The following PTPRE variants were observed in gnomAD, a reference collection of about 807,000 sequenced individuals.
The protein encoded by PTPRE is protein tyrosine phosphatase receptor type E, also known as receptor-type tyrosine-protein phosphatase epsilon.
PTPRE carries 51 observed loss-of-function variants against 102.0 expected under a neutral mutation model. The ratio of observed to expected loss-of-function variants is 0.50; its 90% CI spans 0.40 to 0.63. The LOEUF is 0.63. Among genes scored for constraint, PTPRE ranks in the 30% least tolerant of loss-of-function variants. The pLI, the probability that PTPRE is intolerant of heterozygous loss-of-function variation, is 0.00. For synonymous variants in PTPRE, 345 were observed against 348.2 expected (o/e 0.99, Z 0.10); for missense variants, 752 against 915.1 (o/e 0.82, Z 2.30).
intron 1 of PTPRE, among the ~76,000 whole-genome samples, chr10:127,957,053 G>C (rs1482346946): frequency 6.6e-6 from 1 of 152,004 alleles, no homozygotes; most frequent in Non-Finnish European, 1.5e-5. Flanking sequence ...AGTGTCTTCT[G>C]CAGAGCAGGA....
intron 2 of PTPRE, among the ~76,000 whole-genome samples, chr10:128,009,723 T>C (rs1844817325): frequency 6.6e-6 from 1 of 152,200 alleles, no homozygotes; most frequent in Non-Finnish European, 1.5e-5. Flanking sequence ...AATTCAGTCA[T>C]TTAGGTTTTA....
intron 1 of PTPRE, among the ~76,000 whole-genome samples, chr10:127,973,678 A>G (rs559934145): frequency 6.6e-6 from 1 of 152,138 alleles, no homozygotes; most frequent in Admixed American, 6.5e-5. Flanking sequence ...TGTTTTCAGG[A>G]TGGGTCTCCC....
At chr10:128,059,984 ACG>A (rs1849392306) in intron 7 of PTPRE, among the ~76,000 whole-genome samples, 1 of 148,852 alleles carries the variant, frequency 6.7e-6, no homozygotes, top group Non-Finnish European at 1.5e-5. Context: ...ACCGCACATA[ACG>A]CACACACATA....
chr10:128,060,517 T>A (rs1349594843), intron 7 of PTPRE, among the ~76,000 whole-genome samples: 1 of 152,178 alleles, frequency 6.6e-6, no homozygotes, highest in Admixed American at 6.5e-5. Flanking sequence ...GTGGACCCAG[T>A]TCTCCTGTCC....
rs1254254008 is a variant in PTPRE, at chr10:128,028,869, C to T, written c.-7-12006C>T. 6.6e-6 allele frequency among the ~76,000 whole-genome samples: 1 copy of T among 152,178 alleles called. No individual in the cohort carries two copies. The highest frequency in any genetic ancestry group is 2.4e-5 in the African/African-American group (1 of 41,454). On this transcript the variant is annotated intron_variant, in intron 2 of 20. Transcript: ENST00000254667. The surrounding 1 kb of genome is among the most constrained non-coding windows in gnomAD (Gnocchi z 4.5). ...CCCTGGCCACCCCAGACGTCTGGCC[C>T]TCGTCCCGAATGCTGTCCCCTCTGG...
rs920338535 is a variant in PTPRE at position 128,060,315 on chromosome 10, C to T, written c.512-624C>T. 3.2e-4 allele frequency among the ~76,000 whole-genome samples: 49 copies of T among 152,074 alleles called. 1 individual carries two copies. Among genetic ancestry groups the T allele is most frequent in the Admixed American group, 8.5e-4 (13 of 15,270 alleles). ...CACACCCCACACACAGAGCACTCCA[C>T]GGTCAGCCTTCTACCCCGGAAAACT... is the stretch of plus-strand genomic sequence containing the variant. On this transcript the variant is annotated intron_variant, in intron 7 of 20. Transcript: ENST00000254667.
At chr10:127,986,528 G>A (rs988346148) in intron 2 of PTPRE, among the ~76,000 whole-genome samples, 2 of 152,294 alleles carry the variant, frequency 1.3e-5, no homozygotes, top group African/African-American at 2.4e-5. Context: ...CAAAATTAAC[G>A]TGTGAATATT....
chr10:128,084,895 C>A lies in PTPRE; in HGVS notation c.*1989C>A. 4.4e-6 allele frequency: 1 copy of A among 225,660 alleles called. No homozygotes were observed. The highest frequency in any genetic ancestry group is 9.4e-6 in the Non-Finnish European group (1 of 105,830). 14.0% of individuals were successfully genotyped at this position (225,660 alleles called of 1,614,324 possible). ...TGTCTAGGAGCCCTCTGTCAGAATC[C>A]TTGAAGCCCTTTAATGGTCTAACTG... On this transcript the variant is annotated 3_prime_UTR_variant, in exon 21 of 21. Coordinates refer to ENST00000254667, the MANE Select transcript of PTPRE (RefSeq NM_006504.6).
intron 2 of PTPRE, among the ~76,000 whole-genome samples, chr10:128,023,287 T>A (rs191424202): frequency 1.7e-3 from 253 of 152,104 alleles, no homozygotes; most frequent in Non-Finnish European, 2.3e-3. Flanking sequence ...AAGGATAGTA[T>A]ATATACATAG....
rs148708260 is a variant in PTPRE at position 128,068,261 on chromosome 10, G to A, written c.982G>A (p.Ala328Thr). ...AGTAAAGACGCTCAACCCCGTGCAC[G>A]CTGGGCCCATCGTGGTCCACTGTAG... ...KKVKTLNPVHAGPIVVHCSAG... is the reference protein window; with the variant it reads ...KKVKTLNPVHTGPIVVHCSAG... Residue 328 changes from alanine to threonine, a missense_variant, in exon 12 of 21, where the codon GCT becomes ACT. Physicochemically the swap from Ala to Thr is moderately conservative, Grantham distance 58. Transcript: ENST00000254667. 16 of 1,613,948 alleles carry A rather than the reference G, an allele frequency of 9.9e-6. No individual in the cohort carries two copies. The highest frequency in any genetic ancestry group is 8.3e-5 in the Admixed American group (5 of 60,012).
intron 1 of PTPRE, among the ~76,000 whole-genome samples, chr10:127,922,250 A>G (rs1195056295): frequency 6.6e-6 from 1 of 152,232 alleles, no homozygotes; most frequent in African/African-American, 2.4e-5. Context: ...AGTTCATTTA[A>G]CACATGTGAA....
intron 2 of PTPRE, among the ~76,000 whole-genome samples, chr10:127,994,165 G>C (rs561204594): frequency 6.6e-6 from 1 of 152,330 alleles, no homozygotes; most frequent in Middle Eastern, 3.4e-3. Context: ...CTCTGCTCTC[G>C]TGTTCCCGAA....
chr10:127,926,960 C>T (rs901660430), intron 1 of PTPRE, among the ~76,000 whole-genome samples: 3 of 151,686 alleles, frequency 2.0e-5, no homozygotes, highest in African/African-American at 4.8e-5. Context: ...TACAGGTGTG[C>T]ACCACCACAC....
chr10:128,010,531 C>T (rs1164879900), intron 2 of PTPRE, among the ~76,000 whole-genome samples: 2 of 147,496 alleles, frequency 1.4e-5, no homozygotes, highest in Non-Finnish European at 3.0e-5. Flanking sequence ...CAGCCACAAC[C>T]GTCAAACCCT....
intron 2 of PTPRE, among the ~76,000 whole-genome samples, chr10:128,022,327 GC>G (rs1385283671): frequency 1.3e-5 from 2 of 152,196 alleles, no homozygotes; most frequent in Non-Finnish European, 2.9e-5. Context: ...GGCCAGGGCT[GC>G]CCCCAGGCCT....
chr10:127,992,928 T>G (rs749891476), intron 2 of PTPRE, among the ~76,000 whole-genome samples: 1 of 152,226 alleles, frequency 6.6e-6, no homozygotes, highest in Non-Finnish European at 1.5e-5. Flanking sequence ...AAATTCATCA[T>G]AAAGCTAAAA....
chr10:127,962,158 C>T (rs1160038833), intron 1 of PTPRE, among the ~76,000 whole-genome samples: 1 of 152,134 alleles, frequency 6.6e-6, no homozygotes, highest in Non-Finnish European at 1.5e-5. Context: ...GAGGAGCAGC[C>T]CATGGTGCTG....
chr10:128,042,420 T>C (rs551529634), intron 3 of PTPRE, among the ~76,000 whole-genome samples: 12 of 152,158 alleles, frequency 7.9e-5, no homozygotes, highest in African/African-American at 2.9e-4. Context: ...AGACATGGGG[T>C]GTTACTTGCA....
At chr10:127,973,783 C>A (rs867039616) in intron 1 of PTPRE, among the ~76,000 whole-genome samples, 19 of 152,278 alleles carry the variant, frequency 1.2e-4, no homozygotes, top group African/African-American at 4.3e-4. Flanking sequence ...TGCGCCTGAA[C>A]GCCACCTCTG....
Sources: gnomAD v4.1 joint callset for allele counts (sites outside exome capture counted in the v4.1 genomes callset) on GRCh38, gnomAD v4.1.1 for gene constraint, Gnocchi (gnomAD v3.1) non-coding constraint, MANE v1.5 for transcripts, NCBI Gene and HGNC (gene_info 2026-07-23, HGNC 2026-07-21) for gene names.